Variants in RDX observed in about 807,000 individuals in gnomAD.
The protein encoded by RDX is radixin.
A neutral mutation model predicts 83.7 loss-of-function variants in RDX; 32 were observed. The ratio of observed to expected loss-of-function variants is 0.38; its 90% CI spans 0.29 to 0.51. RDX has a LOEUF of 0.51. Among genes scored for constraint, RDX ranks in the 20% least tolerant of loss-of-function variants. The pLI is 0.87. For missense variants in RDX, 600 were observed against 689.9 expected, an observed-to-expected ratio of 0.87 and a Z score of 1.46; for synonymous variants, 229 against 222.7, an observed-to-expected ratio of 1.03 and a Z score of -0.25.
intron 3 of RDX, among the ~76,000 whole-genome samples, chr11:110,267,960 A>C (rs1221830737): frequency 6.6e-6 from 1 of 151,882 alleles, no homozygotes; most frequent in Non-Finnish European, 1.5e-5. Context: ...TCTGAAAAAA[A>C]AGAAAAAAAA....
intron 11 of RDX, 41 bp downstream of exon 11, chr11:110,237,451 C>A (rs755546417): frequency 4.7e-5 from 75 of 1,601,240 alleles, no homozygotes; most frequent in Non-Finnish European, 6.2e-5. Flanking sequence ...TCACTCTATG[C>A]TTTTATTTAA....
chr11:110,179,905 T>TTC (rs1555026104), intron 15 of RDX: 31 of 293,632 alleles, frequency 1.1e-4, no homozygotes, highest in Admixed American at 3.4e-4. Context: ...TCTTTTTTCT[T>TTC]TTTTTTTTTT....
chr11:110,252,955 T>G (rs989364949), intron 9 of RDX, among the ~76,000 whole-genome samples: 1 of 152,190 alleles, frequency 6.6e-6, no homozygotes, highest in Non-Finnish European at 1.5e-5. Context: ...TCTTTAATGA[T>G]GGGATTAGTA....
intron 10 of RDX, among the ~76,000 whole-genome samples, chr11:110,246,507 G>T (rs1172385850): frequency 6.6e-6 from 1 of 152,130 alleles, no homozygotes; most frequent in East Asian, 1.9e-4. Flanking sequence ...GGGCATGGTG[G>T]CTCACGCCTG....
At chr11:110,260,601 C>T (rs1859763185) in intron 5 of RDX, among the ~76,000 whole-genome samples, 1 of 152,100 alleles carries the variant, frequency 6.6e-6, no homozygotes, top group Non-Finnish European at 1.5e-5. Flanking sequence ...GCCACCATGC[C>T]CAGCCATCTT....
intron 15 of RDX, among the ~76,000 whole-genome samples, chr11:110,176,752 A>G (rs550874420): frequency 6.6e-5 from 10 of 152,192 alleles, no homozygotes; most frequent in Non-Finnish European, 1.5e-4. Flanking sequence ...CCTAGCAGGA[A>G]GTTAGAGGGG....
chr11:110,193,377 G>C (rs1863139044), intron 15 of RDX, among the ~76,000 whole-genome samples: 1 of 152,126 alleles, frequency 6.6e-6, no homozygotes, highest in South Asian at 2.1e-4. Context: ...AGACGGGAGA[G>C]AGGGTTGGGG....
intron 1 of RDX, among the ~76,000 whole-genome samples, chr11:110,283,945 G>A (rs1860872386): frequency 6.6e-6 from 1 of 152,148 alleles, no homozygotes; most frequent in South Asian, 2.1e-4. Flanking sequence ...TAAAGATATT[G>A]CTCAGATTCC....
intron 1 of RDX, among the ~76,000 whole-genome samples, chr11:110,296,039 T>A (rs1861442180): frequency 6.6e-6 from 1 of 152,266 alleles, no homozygotes. Context: ...GCTGAATATC[T>A]GGATTTTCAA....
chr11:110,184,067 A>G (rs17110940), intron 15 of RDX, among the ~76,000 whole-genome samples: 8,200 of 152,230 alleles, frequency 0.054, 736 homozygotes, highest in African/African-American at 0.19. Flanking sequence ...GAAGACCACC[A>G]GTGTGCAAGA....
At chr11:110,259,475 C>T (rs1463132048) in intron 5 of RDX, among the ~76,000 whole-genome samples, 1 of 152,152 alleles carries the variant, frequency 6.6e-6, no homozygotes, top group African/African-American at 2.4e-5. Flanking sequence ...GATTTCTTGG[C>T]AGCATAAAGG....
chr11:110,201,949 G>GTGTGTA (rs1863425468), intron 14 of RDX, among the ~76,000 whole-genome samples: 4 of 120,916 alleles, frequency 3.3e-5, no homozygotes, highest in African/African-American at 1.2e-4. Context: ...GTGTGTGTGT[G>GTGTGTA]TGTGTGTTTT....
At chr11:110,280,320 T>C (rs888339480) in intron 1 of RDX, among the ~76,000 whole-genome samples, 7 of 152,236 alleles carry the variant, frequency 4.6e-5, no homozygotes, top group East Asian at 1.9e-4. Context: ...CACAGCTCAC[T>C]GCAGCCTAAA....
At chr11:110,290,663 A>G (rs1861205015) in intron 1 of RDX, among the ~76,000 whole-genome samples, 1 of 152,230 alleles carries the variant, frequency 6.6e-6, no homozygotes, top group African/African-American at 2.4e-5. Flanking sequence ...TGTACGACTG[A>G]CATCTTAAAG....
rs578111143 is a variant in RDX, at chr11:110,185,109, TAC to T, written c.*32-9877_*32-9876del. ...AAGTCTTTATTTGTGCACAGTGCTGTACAAGGTTTTATCCAAGGAGAACTGAG... is the reference window on the plus strand; with the variant it reads ...AAGTCTTTATTTGTGCACAGTGCTGTAAGGTTTTATCCAAGGAGAACTGAG... On this transcript the variant is annotated intron_variant, in intron 15 of 15. Coordinates refer to the RDX transcript ENST00000528498. 3.3e-5 allele frequency: 5 copies of T among 152,366 alleles called. No homozygotes were observed. In the South Asian group the frequency reaches 1.0e-3, roughly 32 times the overall value. The allele number at this position is 152,366 out of a possible 1,614,324, so 9.4% of individuals were successfully genotyped here.
At chr11:110,178,082 G>A (rs1591494460) in intron 15 of RDX, among the ~76,000 whole-genome samples, 1 of 152,096 alleles carries the variant, frequency 6.6e-6, no homozygotes, top group Non-Finnish European at 1.5e-5. Flanking sequence ...CCGTCTCACA[G>A]TATGCCTGGC....
chr11:110,264,085 C>T lies in RDX; in HGVS notation c.342G>A (p.Glu114=), dbSNP rs1859921553. The T allele has an allele frequency of 6.2e-7, 1 of 1,613,952 alleles. No homozygotes were observed. Among genetic ancestry groups the T allele is most frequent in the Non-Finnish European group, 8.5e-7 (1 of 1,179,884 alleles). Residue 114 remains glutamate (E), a synonymous_variant, in exon 5 of 14, where the codon GAG becomes GAA. Transcript: ENST00000645495. ...LQVKEAILND[E]IYCPPETAVL... is the part of the protein sequence containing the mutation. Reference sequence around the variant, plus strand: ...CTGCAGTTTCTGGCGGGCAATATATCTCATCATTTAAGATGGCTTCTTTAA... The same window carrying T: ...CTGCAGTTTCTGGCGGGCAATATATTTCATCATTTAAGATGGCTTCTTTAA...
At position 110,254,042 on chromosome 11, in the gene RDX, T is replaced by C. The variant is rs754363355; in HGVS notation, c.863A>G (p.His288Arg). ...CTTCCTTCTTCGCATGTATAGTTCA[T>C]GGTTTCCCATACATAAGGCCAAAAT... ...KRILALCMGNHELYMRRRKPD... is the reference protein window; with the variant it reads ...KRILALCMGNRELYMRRRKPD... Residue 288 changes from histidine (H) to arginine (R), a missense_variant, in exon 9 of 14, where the codon CAT becomes CGT. Coordinates refer to ENST00000645495, the MANE Select transcript of RDX (RefSeq NM_002906.4). 4.3e-6 allele frequency: 7 copies of C among 1,613,704 alleles called. No homozygotes were observed. The highest frequency in any genetic ancestry group is 4.5e-5 in the East Asian group (2 of 44,826).
At chr11:110,270,569 T>G (rs1255100943) in intron 3 of RDX, among the ~76,000 whole-genome samples, 1 of 152,200 alleles carries the variant, frequency 6.6e-6, no homozygotes, top group East Asian at 1.9e-4. Context: ...CATTTAACTC[T>G]CACAATAAAC....
Sources: allele counts gnomAD v4.1 joint callset (sites outside exome capture counted in the v4.1 genomes callset), GRCh38; gene constraint gnomAD v4.1.1; transcripts MANE v1.5; gene names NCBI Gene and HGNC (gene_info 2026-07-23, HGNC 2026-07-21).